The following NBEA variants were observed in gnomAD, a reference collection of about 807,000 sequenced individuals.
NBEA encodes lysosomal-trafficking regulator 2.
In NBEA, 44 loss-of-function variants were observed where a neutral mutation model predicts 343.4. The observed-to-expected ratio is 0.13, with a 90% confidence interval of 0.10 to 0.16. NBEA has a LOEUF of 0.16. NBEA is among the 10% of genes least tolerant of loss of function. The pLI, the probability that NBEA is intolerant of heterozygous loss-of-function variation, is 1.00. For missense variants in NBEA, 2,555 were observed against 3,631.3 expected, an observed-to-expected ratio of 0.70 and a Z score of 7.62; for synonymous variants, 1,175 against 1,238.7, an observed-to-expected ratio of 0.95 and a Z score of 1.08.
intron 13 of NBEA, among the ~76,000 whole-genome samples, chr13:35,116,204 T>A (rs1039420474): frequency 6.6e-6 from 1 of 152,154 alleles, no homozygotes; most frequent in African/African-American, 2.4e-5. Flanking sequence ...CAGAAGTACA[T>A]AAATGCTCAA....
At chr13:35,036,311 G>C (rs1025967239) in intron 1 of NBEA, among the ~76,000 whole-genome samples, 2 of 151,858 alleles carry the variant, frequency 1.3e-5, no homozygotes, top group African/African-American at 2.4e-5. Flanking sequence ...TCATTTCCTT[G>C]CTTTTTAACT....
chr13:35,444,455 T>G (rs2045892770), intron 39 of NBEA, among the ~76,000 whole-genome samples: 1 of 152,040 alleles, frequency 6.6e-6, no homozygotes, highest in African/African-American at 2.4e-5. Flanking sequence ...GGAAATGAAT[T>G]GCAACATTTT....
At position 35,148,610 on chromosome 13, in the gene NBEA, T is replaced by C. The variant is rs1328451907; in HGVS notation, c.2445+6233T>C. Among the ~76,000 whole-genome samples the C allele has an allele frequency of 3.3e-5, 5 of 152,180 alleles. 1 individual carries two copies. The highest frequency in any genetic ancestry group is 5.9e-5 in the Non-Finnish European group (4 of 68,036). ...TGATTAATACTTAAGAATATATATA[T>C]ATATTTCTCAACTCATACACATATG... On this transcript the variant is annotated intron_variant, in intron 18 of 58. Transcript: ENST00000379939.
intron 33 of NBEA, among the ~76,000 whole-genome samples, chr13:35,222,723 T>A (rs1441720822): frequency 6.6e-6 from 1 of 152,196 alleles, no homozygotes; most frequent in Non-Finnish European, 1.5e-5. Flanking sequence ...TTTTTAATAT[T>A]ATTACAAAGT....
intron 41 of NBEA, among the ~76,000 whole-genome samples, chr13:35,511,948 T>C (rs1248505350): frequency 2.6e-5 from 4 of 152,192 alleles, no homozygotes; most frequent in African/African-American, 9.6e-5. Flanking sequence ...AAGTTGTTTT[T>C]AATGTCCAGT....
chr13:35,014,157 C>T (rs1215400558), intron 1 of NBEA, among the ~76,000 whole-genome samples: 13 of 149,736 alleles, frequency 8.7e-5, no homozygotes, highest in African/African-American at 2.9e-4. Context: ...TTTTTTTTAT[C>T]TCAAGCAGGT....
intron 39 of NBEA, among the ~76,000 whole-genome samples, chr13:35,450,265 A>G (rs2046242106): frequency 6.6e-6 from 1 of 151,972 alleles, no homozygotes; most frequent in African/African-American, 2.4e-5. Context: ...GCTTGAGCTC[A>G]GGAGTTCAAG....
intron 45 of NBEA, among the ~76,000 whole-genome samples, chr13:35,578,484 C>G (rs557725071): frequency 1.3e-5 from 2 of 152,190 alleles, no homozygotes; most frequent in East Asian, 1.9e-4. Flanking sequence ...TAGTGAGATT[C>G]CATATCTATT....
At chr13:35,100,611 A>T (rs972261526) in intron 11 of NBEA, among the ~76,000 whole-genome samples, 2 of 152,004 alleles carry the variant, frequency 1.3e-5, no homozygotes, top group Admixed American at 6.6e-5. Context: ...AGAAAATTCT[A>T]AAGTAAATAT....
intron 38 of NBEA, among the ~76,000 whole-genome samples, chr13:35,365,399 C>T (rs924071981): frequency 2.6e-5 from 4 of 151,692 alleles, no homozygotes; most frequent in Non-Finnish European, 5.9e-5. Flanking sequence ...TTACAAATGG[C>T]ATGACATTTA....
At chr13:35,343,630 A>G (rs2039712027) in intron 36 of NBEA, among the ~76,000 whole-genome samples, 1 of 152,100 alleles carries the variant, frequency 6.6e-6, no homozygotes, top group African/African-American at 2.4e-5. Context: ...CATTGCTGGC[A>G]TCACCGCCTG....
At chr13:35,563,985 G>C (rs1398838106) in intron 44 of NBEA, among the ~76,000 whole-genome samples, 3 of 151,912 alleles carry the variant, frequency 2.0e-5, no homozygotes, top group African/African-American at 7.2e-5. Flanking sequence ...TGTCACCCAG[G>C]TGATAAGCAT....
intron 36 of NBEA, among the ~76,000 whole-genome samples, chr13:35,334,088 A>G (rs1188707422): frequency 1.3e-5 from 2 of 152,064 alleles, no homozygotes; most frequent in African/African-American, 4.8e-5. Flanking sequence ...ATCAAATGGT[A>G]GATATATTTT....
chr13:35,188,034 A>G (rs1475730046), intron 30 of NBEA, among the ~76,000 whole-genome samples: 3 of 151,102 alleles, frequency 2.0e-5, no homozygotes, highest in South Asian at 4.2e-4. Flanking sequence ...CTTCCTTTCC[A>G]TTATTATTCT....
At chr13:35,332,646 A>G (rs1407486369) in intron 36 of NBEA, among the ~76,000 whole-genome samples, 1 of 152,140 alleles carries the variant, frequency 6.6e-6, no homozygotes, top group Admixed American at 6.6e-5. Context: ...GGATAACACC[A>G]ATGGAAAAGT....
intron 41 of NBEA, among the ~76,000 whole-genome samples, chr13:35,538,728 G>A (rs1255621245): frequency 1.3e-5 from 2 of 152,342 alleles, no homozygotes; most frequent in African/African-American, 2.4e-5. Context: ...GACCTGTCAC[G>A]TGAGGTGGGA....
chr13:35,163,175 G>A (rs2069704049), intron 23 of NBEA, among the ~76,000 whole-genome samples: 1 of 151,970 alleles, frequency 6.6e-6, no homozygotes. Context: ...AATTACCCAG[G>A]TAGAATTTAA....
intron 49 of NBEA, among the ~76,000 whole-genome samples, chr13:35,634,604 T>G (rs1386753246): frequency 6.6e-6 from 1 of 152,140 alleles, no homozygotes; most frequent in East Asian, 1.9e-4. Flanking sequence ...CGGTGAGAGG[T>G]ATGCACATAA....
intron 40 of NBEA, among the ~76,000 whole-genome samples, chr13:35,454,839 G>A (rs777127645): frequency 6.6e-6 from 1 of 151,868 alleles, no homozygotes; most frequent in Non-Finnish European, 1.5e-5. Flanking sequence ...CAGCCTGGGC[G>A]ACAGAATGAG....
Sources: gnomAD v4.1 joint callset for allele counts (sites outside exome capture counted in the v4.1 genomes callset) on GRCh38, gnomAD v4.1.1 for gene constraint, MANE v1.5 for transcripts, NCBI Gene and HGNC (gene_info 2026-07-23, HGNC 2026-07-21) for gene names.